CDK17: variants seen among roughly 807,000 people sequenced by gnomAD.
The protein encoded by CDK17 is cyclin dependent kinase 17.
In CDK17, 24 loss-of-function variants were observed where a neutral mutation model predicts 77.6. The observed-to-expected ratio is 0.31, with a 90% CI of 0.22 to 0.44. The LOEUF (loss-of-function observed/expected upper bound fraction) is 0.44, where lower values mean the gene tolerates loss of function less well. Among genes scored for constraint, CDK17 ranks in the 20% least tolerant of loss-of-function variants. CDK17 has a pLI of 1.00. For synonymous variants in CDK17, 203 were observed against 210.4 expected, an observed-to-expected ratio of 0.96 and a Z score of 0.30; for missense variants, 429 against 622.5, an observed-to-expected ratio of 0.69 and a Z score of 3.31.
At chr12:96,374,601 T>C (rs766450722) in intron 1 of CDK17, among the ~76,000 whole-genome samples, 1 of 152,244 alleles carries the variant, frequency 6.6e-6, no homozygotes, top group Non-Finnish European at 1.5e-5. Context: ...TGGCAAATTC[T>C]TATACTTCCT....
intron 3 of CDK17, among the ~76,000 whole-genome samples, chr12:96,316,894 G>C (rs1952736211): frequency 6.6e-6 from 1 of 150,704 alleles, no homozygotes; most frequent in South Asian, 2.1e-4. Context: ...CTAAAACGCA[G>C]AGTGCCTCTC....
At chr12:96,368,896 G>C (rs994384973) in intron 1 of CDK17, among the ~76,000 whole-genome samples, 2 of 137,434 alleles carry the variant, frequency 1.5e-5, no homozygotes, top group Non-Finnish European at 3.0e-5. Context: ...CTTCTTTAAA[G>C]AAACAGTTTG....
intron 1 of CDK17, among the ~76,000 whole-genome samples, chr12:96,340,250 C>T (rs1343078211): frequency 2.0e-5 from 3 of 152,068 alleles, no homozygotes; most frequent in Non-Finnish European, 2.9e-5. Flanking sequence ...GAATAATACG[C>T]ATGGCACTTA....
At chr12:96,358,014 C>T (rs1953426926) in intron 1 of CDK17, among the ~76,000 whole-genome samples, 1 of 151,870 alleles carries the variant, frequency 6.6e-6, no homozygotes, top group Admixed American at 6.6e-5. Context: ...GAACTACAAC[C>T]ACATGCAACA....
Position 96,300,292 on chromosome 12 carries a change from A to C in CDK17, c.600+12T>G, listed in dbSNP as rs763059792. On this transcript the variant is annotated intron_variant, in intron 6 of 16. Transcript: ENST00000261211. The stretch of plus-strand genomic sequence containing the variant: ...AAAAAATGTGTCTTACATTTTTGAG[A>C]TATTTACTTACCTCTCCAAGCTTTT... 1 of 1,551,452 alleles carries C rather than the reference A, an allele frequency of 6.4e-7. No individual in the cohort carries two copies. Among genetic ancestry groups the C allele is most frequent in the East Asian group, 2.2e-5 (1 of 44,512 alleles).
At chr12:96,391,927 A>G (rs1270836999) in intron 1 of CDK17, among the ~76,000 whole-genome samples, 1 of 152,182 alleles carries the variant, frequency 6.6e-6, no homozygotes, top group African/African-American at 2.4e-5. Context: ...TACTATATCA[A>G]AATGTATTCT....
At chr12:96,327,341 G>A (rs17025359) in intron 2 of CDK17, among the ~76,000 whole-genome samples, 18,676 of 152,056 alleles carry the variant, frequency 0.12, 1,960 homozygotes, top group African/African-American at 0.29. Context: ...GCAAAAGGAG[G>A]AGATTACTAC....
chr12:96,306,275 T>C (rs1456947170), intron 5 of CDK17, among the ~76,000 whole-genome samples: 2 of 152,050 alleles, frequency 1.3e-5, no homozygotes, highest in Non-Finnish European at 2.9e-5. Context: ...CATTAGAAAA[T>C]ATGAAAATAG....
At chr12:96,381,783 A>G (rs1207426509) in intron 1 of CDK17, among the ~76,000 whole-genome samples, 3 of 152,056 alleles carry the variant, frequency 2.0e-5, no homozygotes, top group East Asian at 1.9e-4. Flanking sequence ...TTTTTATTAT[A>G]TAACAACTTG....
intron 3 of CDK17, among the ~76,000 whole-genome samples, chr12:96,314,496 C>T (rs1337522732): frequency 1.3e-5 from 2 of 152,160 alleles, no homozygotes; most frequent in African/African-American, 4.8e-5. Context: ...TTATATCCTA[C>T]TGCTCAAGGT....
chr12:96,356,794 C>T (rs1037639453), intron 1 of CDK17, among the ~76,000 whole-genome samples: 2 of 152,180 alleles, frequency 1.3e-5, no homozygotes, highest in Non-Finnish European at 2.9e-5. Flanking sequence ...CTGACTTTCA[C>T]AAGATAATAT....
At chr12:96,285,947 T>C (rs1952240066) in intron 13 of CDK17, 96 bp downstream of exon 13, 3 of 643,546 alleles carry the variant, frequency 4.7e-6, no homozygotes, top group Admixed American at 4.2e-5. Context: ...TTATGTGTAT[T>C]ATGTATTTTT....
At chr12:96,319,086 A>G (rs1445186733) in intron 3 of CDK17, among the ~76,000 whole-genome samples, 1 of 145,216 alleles carries the variant, frequency 6.9e-6, no homozygotes, top group Non-Finnish European at 1.5e-5. Flanking sequence ...AGAAGAATCA[A>G]ATAGACACAA....
chr12:96,309,899 A>G (rs995588851), intron 5 of CDK17, among the ~76,000 whole-genome samples: 3 of 152,224 alleles, frequency 2.0e-5, no homozygotes, highest in Non-Finnish European at 4.4e-5. Context: ...ATATACGTAT[A>G]AGTTGGTACA....
At chr12:96,335,074 G>A in intron 1 of CDK17, 1 of 614,500 alleles carries the variant, frequency 1.6e-6, no homozygotes, top group Non-Finnish European at 3.0e-6. Flanking sequence ...AGAAGAGCAG[G>A]AATTCCATGT....
chr12:96,344,109 T>G (rs796414811), intron 1 of CDK17, among the ~76,000 whole-genome samples: 79 of 152,174 alleles, frequency 5.2e-4, no homozygotes, highest in African/African-American at 1.9e-3. Flanking sequence ...AAAAAATGAT[T>G]AGCAAATTTG....
At chr12:96,322,434 A>G (rs2137123314) in intron 3 of CDK17, among the ~76,000 whole-genome samples, 1 of 152,090 alleles carries the variant, frequency 6.6e-6, no homozygotes, top group South Asian at 2.1e-4. Context: ...AGAGAAGAAT[A>G]TGCAATGGAG....
At position 96,376,808 on chromosome 12, in the gene CDK17, TCA is replaced by T. The variant is rs368153389; in HGVS notation, c.-30+23176_-30+23177del. On this transcript the variant is annotated intron_variant, in intron 1 of 16. Coordinates refer to ENST00000261211, the MANE Select transcript of CDK17 (RefSeq NM_002595.5). ...AGTTCTAAGGAAGATGAGAAACAGATCACAGACAGGTTTAATAATCTAAAAAG... is the reference window on the plus strand; with the variant it reads ...AGTTCTAAGGAAGATGAGAAACAGATCAGACAGGTTTAATAATCTAAAAAG... 3.4e-3 allele frequency among the ~76,000 whole-genome samples: 524 copies of T among 151,978 alleles called. 2 individuals are homozygous for T. The highest frequency in any genetic ancestry group is 0.011 in the African/African-American group (449 of 41,458).
intron 1 of CDK17, among the ~76,000 whole-genome samples, chr12:96,384,493 C>T (rs1184495041): frequency 6.6e-6 from 1 of 152,146 alleles, no homozygotes; most frequent in Non-Finnish European, 1.5e-5. Context: ...ATAGCAAAGA[C>T]ATGGAATCAA....
Sources: allele counts gnomAD v4.1 joint callset (sites outside exome capture counted in the v4.1 genomes callset), GRCh38; gene constraint gnomAD v4.1.1; transcripts MANE v1.5; gene names NCBI Gene and HGNC (gene_info 2026-07-23, HGNC 2026-07-21).